Variants in LPP observed in about 807,000 individuals in gnomAD.
The protein encoded by LPP is LIM domain containing preferred translocation partner in lipoma.
A neutral mutation model predicts 60.4 loss-of-function variants in LPP; 38 were observed. The ratio of observed to expected loss-of-function variants is 0.63; its 90% CI spans 0.49 to 0.83. The LOEUF (loss-of-function observed/expected upper bound fraction) is 0.83, where lower values mean the gene tolerates loss of function less well. Among genes scored for constraint, LPP ranks in the 40% least tolerant of loss-of-function variants. The probability of loss-of-function intolerance (pLI) is 0.00; values close to 1 mark genes in which losing one functional copy is unlikely to be tolerated. For synonymous variants in LPP, 328 were observed against 290.8 expected (o/e 1.13, Z -1.30); for missense variants, 902 against 783.6 (o/e 1.15, Z -1.80).
intron 7 of LPP, among the ~76,000 whole-genome samples, chr3:188,680,020 T>G (rs1294313893): frequency 6.6e-6 from 1 of 152,212 alleles, no homozygotes; most frequent in East Asian, 1.9e-4. Flanking sequence ...ATTAGAATCA[T>G]TGGTGAATAG....
intron 9 of LPP, among the ~76,000 whole-genome samples, chr3:188,862,741 G>GAAAAAA (rs1560308504): frequency 9.5e-6 from 1 of 105,628 alleles, no homozygotes; most frequent in Non-Finnish European, 1.9e-5. Context: ...ATAAATAAAA[G>GAAAAAA]AAAAAAGAAA....
At chr3:188,374,069 C>A (rs978191925) in intron 3 of LPP, among the ~76,000 whole-genome samples, 1 of 152,070 alleles carries the variant, frequency 6.6e-6, no homozygotes, top group African/African-American at 2.4e-5. Flanking sequence ...TGGCCTATAT[C>A]TCTGTTTTGG....
chr3:188,520,922 G>A (rs930849407), intron 5 of LPP, among the ~76,000 whole-genome samples: 1 of 152,242 alleles, frequency 6.6e-6, no homozygotes, highest in Middle Eastern at 3.4e-3. Flanking sequence ...AGACATGTTG[G>A]TAAGTCTATA....
At chr3:188,691,931 T>C (rs547137082) in intron 7 of LPP, among the ~76,000 whole-genome samples, 3 of 152,278 alleles carry the variant, frequency 2.0e-5, no homozygotes, top group Admixed American at 2.0e-4. Context: ...ATGGGAAGTA[T>C]TCCTGGAAAC....
intron 6 of LPP, among the ~76,000 whole-genome samples, chr3:188,589,142 G>A (rs1264008103): frequency 1.3e-5 from 2 of 151,698 alleles, no homozygotes; most frequent in Admixed American, 6.6e-5. Context: ...ACATATATAT[G>A]TACATATATA....
At chr3:188,548,898 T>G (rs76167084) in intron 6 of LPP, among the ~76,000 whole-genome samples, 2,537 of 152,284 alleles carry the variant, frequency 0.017, 67 homozygotes, top group African/African-American at 0.054. Context: ...GGTCCAGTCC[T>G]CAAGGAATCA....
In LPP at chr3:188,886,248, A is replaced by T. The variant is rs1380571464; in HGVS notation, c.*11769A>T. The T allele has an allele frequency of 6.5e-6, 1 of 154,766 alleles. No individual in the cohort carries two copies. The allele number at this position is 154,766 out of a possible 1,614,324, so 9.6% of individuals were successfully genotyped here. On this transcript the variant is annotated 3_prime_UTR_variant, in exon 12 of 12. Transcript: ENST00000617246. Reference sequence around the variant, plus strand: ...GCACACCAGCATGGCACATGTATACATATGTAACTAACCTGCACATTGTGC... The same window carrying T: ...GCACACCAGCATGGCACATGTATACTTATGTAACTAACCTGCACATTGTGC...
intron 9 of LPP, among the ~76,000 whole-genome samples, chr3:188,803,878 A>G (rs554532931): frequency 4.6e-5 from 7 of 152,286 alleles, no homozygotes; most frequent in Admixed American, 1.3e-4. Context: ...TGTTGAATGT[A>G]GGTGTAAATC....
At chr3:188,288,317 C>T (rs187641083) in intron 2 of LPP, among the ~76,000 whole-genome samples, 9 of 152,272 alleles carry the variant, frequency 5.9e-5, no homozygotes, top group East Asian at 3.9e-4. Context: ...CGGGTAGTAA[C>T]GTCCCTTTAT....
intron 3 of LPP, among the ~76,000 whole-genome samples, chr3:188,386,262 GCGCACACA>G (rs1167465192): frequency 7.2e-4 from 50 of 69,546 alleles, no homozygotes; most frequent in African/African-American, 2.0e-3. Flanking sequence ...CATAGCATGC[GCGCACACA>G]CACACACACA....
chr3:188,788,953 C>A (rs547327765), intron 9 of LPP, among the ~76,000 whole-genome samples: 1 of 152,198 alleles, frequency 6.6e-6, no homozygotes, highest in Non-Finnish European at 1.5e-5. Context: ...TCTTTGGGGC[C>A]CCTTCTCAGT....
At chr3:188,256,952 C>T (rs1229330176) in intron 2 of LPP, among the ~76,000 whole-genome samples, 1 of 152,178 alleles carries the variant, frequency 6.6e-6, no homozygotes, top group African/African-American at 2.4e-5. Flanking sequence ...TCCATGGTCA[C>T]CATCCAGAAA....
chr3:188,777,367 A>T (rs1437036006), intron 9 of LPP, among the ~76,000 whole-genome samples: 1 of 152,070 alleles, frequency 6.6e-6, no homozygotes, highest in East Asian at 1.9e-4. Context: ...CATCCAATCA[A>T]TATTTACTGA....
intron 9 of LPP, among the ~76,000 whole-genome samples, chr3:188,847,925 C>G (rs2151821331): frequency 6.6e-6 from 1 of 152,220 alleles, no homozygotes; most frequent in African/African-American, 2.4e-5. Flanking sequence ...ACACATGAAG[C>G]AGAGCTGGAA....
chr3:188,775,210 G>A (rs560127435), intron 9 of LPP, among the ~76,000 whole-genome samples: 326 of 152,074 alleles, frequency 2.1e-3, no homozygotes, highest in African/African-American at 7.4e-3. Context: ...GTGCCACCAC[G>A]CCCAGCTAAT....
intron 1 of LPP, among the ~76,000 whole-genome samples, chr3:188,207,781 C>G (rs1435910134): frequency 1.3e-5 from 2 of 151,982 alleles, no homozygotes; most frequent in Non-Finnish European, 2.9e-5. Flanking sequence ...TCGGAATGCC[C>G]TTTGTTCCTT....
chr3:188,203,392 TA>T (rs1320109746), intron 1 of LPP, among the ~76,000 whole-genome samples: 7 of 80,650 alleles, frequency 8.7e-5, no homozygotes, highest in South Asian at 5.3e-4. Flanking sequence ...ATTTATATAT[TA>T]ATATATATTT....
intron 7 of LPP, among the ~76,000 whole-genome samples, chr3:188,707,412 C>T (rs1865696891): frequency 6.6e-6 from 1 of 152,196 alleles, no homozygotes. Context: ...CCTGCCCAAC[C>T]TGGCCGCGCC....
At position 188,599,751 on chromosome 3, in the gene LPP, G is replaced by GGGGGGTGTGTGTGTGT. The variant is rs374294307; in HGVS notation, c.430-9409_430-9408insGGGGTGTGTGTGTGTG. 2.9e-5 allele frequency among the ~76,000 whole-genome samples: 4 copies of GGGGGGTGTGTGTGTGT among 139,828 alleles called. No homozygotes were observed. In the East Asian group the frequency reaches 8.6e-4, roughly 30 times the overall value. The allele number at this position is 139,828 out of a possible 152,430, so 91.7% of individuals were successfully genotyped here. A position where few individuals can be genotyped will look rare whatever the true frequency, so the allele number is the denominator to read the frequency against. The stretch of plus-strand genomic sequence containing the variant: ...CAAAAACTATCGGGGACTCGTTAGG[G>GGGGGGTGTGTGTGTGT]GTGTGTGTGTGTGTGTGTGTGTGTG... On this transcript the variant is annotated intron_variant, in intron 6 of 11. Transcript: ENST00000617246.
Sources: allele counts gnomAD v4.1 joint callset (sites outside exome capture counted in the v4.1 genomes callset), GRCh38; gene constraint gnomAD v4.1.1; transcripts MANE v1.5; gene names NCBI Gene and HGNC (gene_info 2026-07-23, HGNC 2026-07-21).